The following GET1 variants were observed in gnomAD, a reference collection of about 807,000 sequenced individuals.
GET1 encodes the protein guided entry of tail-anchored proteins factor 1.
Under a neutral mutation model 22.6 loss-of-function variants are expected in GET1, and 20 were observed. The ratio of observed to expected loss-of-function variants is 0.89; its 90% CI spans 0.62 to 1.29. The LOEUF (loss-of-function observed/expected upper bound fraction) is 1.29. Ranked by LOEUF, GET1 falls within the 50% of genes most tolerant of loss-of-function variation. The pLI is 0.00. For synonymous variants in GET1, 92 were observed against 83.8 expected, an observed-to-expected ratio of 1.10 and a Z score of -0.53; for missense variants, 209 against 219.9, an observed-to-expected ratio of 0.95 and a Z score of 0.31.
intron 4 of GET1, 138 bp from the exon 5 acceptor site, chr21:39,396,728 G>T: frequency 4.6e-5 from 27 of 585,604 alleles, no homozygotes; most frequent in Non-Finnish European, 7.6e-5. Context: ...TTGAACCTAT[G>T]AAACATAAAC....
chr21:39,406,030 G>T (rs767052502), exon 5 of GET1: 1 of 1,614,206 alleles, frequency 6.2e-7, no homozygotes, highest in Admixed American at 1.7e-5. Flanking sequence ...AGGCTCCTCT[G>T]AGCCTTTTGC....
At chr21:39,386,636 C>G (rs1178581524) in intron 1 of GET1, 1 of 152,238 alleles carries the variant, frequency 6.6e-6, no homozygotes, top group Admixed American at 6.5e-5. Context: ...CTGGGTTTGC[C>G]TGCTCTACTG....
At chr21:39,381,048 C>A in intron 1 of GET1, 1 of 725,262 alleles carries the variant, frequency 1.4e-6, no homozygotes, top group Non-Finnish European at 1.7e-6. Context: ...ACCTCTGTCT[C>A]ACGGCTGCTG....
intron 3 of GET1, among the ~76,000 whole-genome samples, chr21:39,392,263 G>A (rs1336319399): frequency 6.6e-6 from 1 of 152,168 alleles, no homozygotes; most frequent in Non-Finnish European, 1.5e-5. Flanking sequence ...TTTCCGACTG[G>A]AATTGGCTTC....
chr21:39,414,774 G>C (rs371428642), intron 1 of GET1, among the ~76,000 whole-genome samples: 81 of 151,356 alleles, frequency 5.4e-4, no homozygotes, highest in African/African-American at 1.9e-3. Flanking sequence ...GTGTGTGTGT[G>C]TGTGTCTGTG....
At chr21:39,413,172 C>T (rs2040411960) in intron 1 of GET1, among the ~76,000 whole-genome samples, 1 of 152,212 alleles carries the variant, frequency 6.6e-6, no homozygotes, top group Admixed American at 6.5e-5. Context: ...AGTCACTCGT[C>T]AGGAGAACCA....
chr21:39,411,793 G>A (rs749068083), intron 1 of GET1: 5 of 1,580,644 alleles, frequency 3.2e-6, no homozygotes, highest in South Asian at 2.3e-5. Context: ...TCAAGCTCAC[G>A]ATCCTTTTCC....
At chr21:39,394,027 T>C (rs908201995) in intron 4 of GET1, among the ~76,000 whole-genome samples, 8 of 152,202 alleles carry the variant, frequency 5.3e-5, no homozygotes, top group Admixed American at 5.2e-4. Context: ...ATTAGAAATA[T>C]AGCTATCAAT....
chr21:39,405,281 C>T (rs1476714448), intron 4 of GET1, among the ~76,000 whole-genome samples: 4 of 152,308 alleles, frequency 2.6e-5, no homozygotes, highest in African/African-American at 4.8e-5. Flanking sequence ...ACTGAAGCCT[C>T]GACCTGGGCA....
intron 4 of GET1, among the ~76,000 whole-genome samples, chr21:39,396,072 A>G (rs780170238): frequency 6.6e-6 from 1 of 152,204 alleles, no homozygotes; most frequent in Admixed American, 6.5e-5. Flanking sequence ...CCTGCTTAGT[A>G]AAGAATACAG....
intron 1 of GET1, chr21:39,422,628 G>C: frequency 2.7e-6 from 1 of 374,166 alleles, no homozygotes. Context: ...ACTTCAAAGA[G>C]AGGTTTCACG....
chr21:39,392,966 C>A, intron 3 of GET1, 200 bp from the exon 4 acceptor site: 1 of 525,792 alleles, frequency 1.9e-6, no homozygotes, highest in Non-Finnish European at 3.4e-6. Context: ...TTTAATTTGA[C>A]TTTCTCATTC....
chr21:39,406,393 C>G lies in GET1; in HGVS notation c.*409C>G, dbSNP rs201717530. On this transcript the variant is annotated 3_prime_UTR_variant, in exon 5 of 5. Coordinates refer to the GET1 transcript ENST00000415847. ...GCCTTTGCCAAGTGTGTCATCCACA[C>G]CATTTCTCTGCATGCTTCTTTTAAA... 114 of 1,613,592 alleles carry G rather than the reference C, an allele frequency of 7.1e-5. No homozygotes were observed. In the Admixed American group the frequency reaches 1.5e-3, roughly 21 times the overall value.
chr21:39,416,659 G>T (rs901312031), intron 1 of GET1, among the ~76,000 whole-genome samples: 9 of 141,786 alleles, frequency 6.3e-5, no homozygotes, highest in Non-Finnish European at 1.1e-4. Context: ...TCTTACTTCT[G>T]TATTTTTTTT....
chr21:39,406,448 T>A (rs1171550937), exon 5 of GET1: 1 of 1,613,966 alleles, frequency 6.2e-7, no homozygotes, highest in African/African-American at 1.3e-5. Flanking sequence ...TCTTCTTGAT[T>A]GCTTTCTCTT....
chr21:39,405,287 G>A (rs952511231), intron 4 of GET1, among the ~76,000 whole-genome samples: 1 of 152,094 alleles, frequency 6.6e-6, no homozygotes, highest in African/African-American at 2.4e-5. Flanking sequence ...GCCTCGACCT[G>A]GGCACAAGTG....
chr21:39,413,239 C>T (rs2040419579), intron 1 of GET1, among the ~76,000 whole-genome samples: 1 of 152,184 alleles, frequency 6.6e-6, no homozygotes, highest in African/African-American at 2.4e-5. Flanking sequence ...TTTCACTCCA[C>T]CAAGAGTACA....
chr21:39,399,029 C>T (rs761471719), downstream of GET1, among the ~76,000 whole-genome samples: 1 of 152,250 alleles, frequency 6.6e-6, no homozygotes, highest in African/African-American at 2.4e-5. Context: ...CGCAAGCCAC[C>T]GCGCCCGGCC....
chr21:39,395,606 C>A (rs1240666474), intron 4 of GET1, among the ~76,000 whole-genome samples: 1 of 152,166 alleles, frequency 6.6e-6, no homozygotes, highest in Admixed American at 6.5e-5. Context: ...TCAGGTGATC[C>A]ACCTGCCTTA....
Sources: gnomAD v4.1 joint callset for allele counts (sites outside exome capture counted in the v4.1 genomes callset) on GRCh38, gnomAD v4.1.1 for gene constraint, MANE v1.5 for transcripts, NCBI Gene and HGNC (gene_info 2026-07-23, HGNC 2026-07-21) for gene names.